The following MON1A variants were observed in gnomAD, a reference collection of about 807,000 sequenced individuals.
MON1A encodes vacuolar fusion protein MON1 homolog A.
MON1A carries 29 observed loss-of-function variants against 44.6 expected under a neutral mutation model. That is an observed-to-expected ratio of 0.65 (90% CI 0.48 to 0.89). MON1A has a LOEUF of 0.89. Ranked by LOEUF, MON1A falls within the 40% of genes least tolerant of loss-of-function variation. The pLI is 0.00. For missense variants in MON1A, 615 were observed against 759.6 expected, an observed-to-expected ratio of 0.81 and a Z score of 2.24; for synonymous variants, 275 against 316.4, an observed-to-expected ratio of 0.87 and a Z score of 1.39.
rs779716916 is a variant in MON1A at position 49,910,493 on chromosome 3, T to G, written c.1005A>C (p.Arg335=). Residue 335 remains arginine (R), a synonymous_variant, in exon 4 of 6, where the codon CGA becomes CGC. Coordinates refer to ENST00000296473, the MANE Select transcript of MON1A (RefSeq NM_032355.4). This position sits in a 1 kb window ranked among gnomAD's most constrained non-coding sequence, Gnocchi z 8.0. The part of the protein sequence containing the change: ...ARNQLVALVR[R]KDQFLHPIDL... ...CGATGGGGTGCAGAAATTGGTCCTT[T>G]CGGCGCACGAGTGCCACGAGCTGGT... 3 of 1,614,008 alleles carry G rather than the reference T, an allele frequency of 1.9e-6. No homozygotes were observed. Among genetic ancestry groups the G allele is most frequent in the Non-Finnish European group, 2.5e-6 (3 of 1,179,942 alleles).
intron 1 of MON1A, among the ~76,000 whole-genome samples, chr3:49,922,545 GGGAGGGAAAGAA>G (rs1441567096): frequency 1.7e-4 from 23 of 139,080 alleles, no homozygotes; most frequent in Admixed American, 2.9e-4. Flanking sequence ...GAGGGAGGGA[GGGAGGGAAAGAA>G]GGAGGGAAGG....
At chr3:49,926,788 T>G (rs1362901696) in intron 1 of MON1A, among the ~76,000 whole-genome samples, 1 of 148,860 alleles carries the variant, frequency 6.7e-6, no homozygotes, top group Non-Finnish European at 1.5e-5. Context: ...GGAGATTTTT[T>G]TTTTTTTTGA....
At chr3:49,923,294 C>T (rs1006679658) in intron 1 of MON1A, among the ~76,000 whole-genome samples, 3 of 139,790 alleles carry the variant, frequency 2.1e-5, no homozygotes, top group Admixed American at 7.3e-5. Flanking sequence ...ATCGCGCCAC[C>T]GCACTCCACC....
At chr3:49,928,649 C>T (rs1333754688) in intron 1 of MON1A, among the ~76,000 whole-genome samples, 1 of 152,144 alleles carries the variant, frequency 6.6e-6, no homozygotes, top group African/African-American at 2.4e-5. Context: ...TTGGATAGCA[C>T]TTCATTTCAC....
chr3:49,924,957 T>C (rs1441324213), intron 1 of MON1A, among the ~76,000 whole-genome samples: 6 of 152,204 alleles, frequency 3.9e-5, no homozygotes, highest in African/African-American at 1.4e-4. Context: ...TAAGAGACCC[T>C]GAGCTTGAGC....
chr3:49,912,597 C>T (rs1396461931), intron 2 of MON1A: 2 of 178,590 alleles, frequency 1.1e-5, no homozygotes, highest in African/African-American at 4.8e-5. Flanking sequence ...TGCCCATACT[C>T]AATGAATCTC....
Position 49,910,538 on chromosome 3 carries a change from G to T in MON1A, c.960C>A (p.Phe320Leu). Reference protein sequence around the residue: ...LQQARARSLVFSILLARNQLV... With the variant: ...LQQARARSLVLSILLARNQLV... ...GCTGGTTGCGGGCCAGCAGGATGGA[G>T]AAGACCAGGCTGCGCGCACGCGCCT... The change falls in exon 4 of 6, where the codon TTC becomes TTA. Residue 320 changes from phenylalanine to leucine, a missense_variant. Coordinates refer to ENST00000296473, the MANE Select transcript of MON1A (RefSeq NM_032355.4). This position sits in a 1 kb window ranked among gnomAD's most constrained non-coding sequence, Gnocchi z 8.0. The T allele has an allele frequency of 1.9e-6, 3 of 1,613,650 alleles. No homozygotes were observed. Among genetic ancestry groups the T allele is most frequent in the Non-Finnish European group, 2.5e-6 (3 of 1,179,800 alleles).
intron 1 of MON1A, among the ~76,000 whole-genome samples, chr3:49,913,908 C>T (rs1011618884): frequency 1.3e-5 from 2 of 151,484 alleles, no homozygotes; most frequent in Admixed American, 6.6e-5. Flanking sequence ...AAGTGATCTG[C>T]CCCTCTCGGC....
chr3:49,929,293 T>A (rs2083074776), intron 1 of MON1A: 1 of 440,742 alleles, frequency 2.3e-6, no homozygotes, highest in Non-Finnish European at 4.1e-6. Flanking sequence ...TCTGTTGCTT[T>A]TTGAGAAGAC....
At chr3:49,913,025 A>G (rs1309567347) in intron 2 of MON1A, 195 bp downstream of exon 2, 1 of 748,950 alleles carries the variant, frequency 1.3e-6, no homozygotes, top group Non-Finnish European at 2.3e-6. Flanking sequence ...GGCGAGCAGC[A>G]TAACATGAAG....
intron 1 of MON1A, among the ~76,000 whole-genome samples, chr3:49,914,540 A>ATTT (rs35967703): frequency 3.5e-4 from 30 of 85,980 alleles, no homozygotes; most frequent in Non-Finnish European, 4.6e-4. Context: ...CGCCTGCCTA[A>ATTT]TTTTTTTTTT....
Position 49,909,383 on chromosome 3 carries a change from G to A in MON1A, c.1397C>T (p.Pro466Leu). 6.2e-7 allele frequency: 1 copy of A among 1,614,068 alleles called. No individual in the cohort carries two copies. The highest frequency in any genetic ancestry group is 1.1e-5 in the South Asian group (1 of 91,080). The change falls in exon 5 of 6, where the codon CCA becomes CTA. Residue 466 changes from proline (P) to leucine (L), a missense_variant. Physicochemically the swap from Pro to Leu is moderately conservative, Grantham distance 98. Transcript: ENST00000296473. The surrounding 1 kb of genome is among the most constrained non-coding windows in gnomAD (Gnocchi z 4.0). ...CTCCTGCTCCTCTTCACTGGTGTATGGGGCCTCAATCTCAGGGCTGCAGAC... is the reference window on the plus strand; with the variant it reads ...CTCCTGCTCCTCTTCACTGGTGTATAGGGCCTCAATCTCAGGGCTGCAGAC... ...GLFTSPEIEA[P>L]YTSEEEQERL...
Position 49,910,016 on chromosome 3 carries a change from AG to A in MON1A, c.1379+102del. Reference sequence around the variant, plus strand: ...AGCACACTGGTCTGCTTCCAAAGGTAGGGACAGCTTCAGGGCTACATCTCAG... The same window carrying A: ...AGCACACTGGTCTGCTTCCAAAGGTAGGACAGCTTCAGGGCTACATCTCAG... On this transcript the variant is annotated intron_variant, in intron 4 of 5. Transcript: ENST00000296473. This position sits in a 1 kb window ranked among gnomAD's most constrained non-coding sequence, Gnocchi z 8.0. The A allele has an allele frequency of 1.5e-6, 2 of 1,321,018 alleles. No homozygotes were observed. The highest frequency in any genetic ancestry group is 2.1e-6 in the Non-Finnish European group (2 of 959,742). 81.8% of individuals were successfully genotyped at this position (1,321,018 alleles called of 1,614,324 possible).
At chr3:49,918,700 C>G (rs2108535789) in intron 1 of MON1A, among the ~76,000 whole-genome samples, 1 of 152,234 alleles carries the variant, frequency 6.6e-6, no homozygotes, top group Middle Eastern at 3.4e-3. Flanking sequence ...GCATGAGCCA[C>G]CGTGCCTGGC....
chr3:49,925,618 A>G (rs2083045614), intron 1 of MON1A, among the ~76,000 whole-genome samples: 1 of 152,130 alleles, frequency 6.6e-6, no homozygotes, highest in Non-Finnish European at 1.5e-5. Context: ...TCATGCCTGT[A>G]GTCCCACCTA....
chr3:49,928,708 G>A (rs919435168), intron 1 of MON1A, among the ~76,000 whole-genome samples: 6 of 152,194 alleles, frequency 3.9e-5, no homozygotes, highest in African/African-American at 1.4e-4. Context: ...CAGGATACAG[G>A]ATGTGTGGCA....
chr3:49,929,473 A>C (rs934046929), intron 1 of MON1A, 136 bp downstream of exon 1: 12 of 999,028 alleles, frequency 1.2e-5, no homozygotes, highest in Non-Finnish European at 1.8e-5. Context: ...GAGGGACCGC[A>C]GGGAGACACA....
chr3:49,910,417 C>T lies in MON1A; in HGVS notation c.1081G>A (p.Gly361Ser). Residue 361 changes from glycine (G) to serine (S), a missense_variant, in exon 4 of 6, where the codon GGC becomes AGC. Coordinates refer to ENST00000296473, the MANE Select transcript of MON1A (RefSeq NM_032355.4). This position sits in a 1 kb window ranked among gnomAD's most constrained non-coding sequence, Gnocchi z 8.0. The stretch of plus-strand genomic sequence containing the variant: ...AGGCACACGGGCGTCCAGGCCTCGC[C>T]CTCGCGAAAGGACGAGGAGGAACTA... ...LISSSSSFRE[G>S]EAWTPVCLPK... 1 of 1,614,224 alleles carries T rather than the reference C, an allele frequency of 6.2e-7. No individual in the cohort carries two copies.
At chr3:49,915,291 G>T (rs2082934048) in intron 1 of MON1A, among the ~76,000 whole-genome samples, 1 of 152,210 alleles carries the variant, frequency 6.6e-6, no homozygotes, top group African/African-American at 2.4e-5. Flanking sequence ...GCAAAGATTG[G>T]AGGCCAAAGA....
Sources: allele counts gnomAD v4.1 joint callset (sites outside exome capture counted in the v4.1 genomes callset), GRCh38; gene constraint gnomAD v4.1.1; non-coding constraint Gnocchi (gnomAD v3.1); transcripts MANE v1.5; gene names NCBI Gene and HGNC (gene_info 2026-07-23, HGNC 2026-07-21).